The following FBL variants were observed in gnomAD, a reference collection of about 807,000 sequenced individuals.
FBL encodes fibrillarin rRNA 2'-O-methyltransferase.
Under a neutral mutation model 42.2 loss-of-function variants are expected in FBL, and 10 were observed. The ratio of observed to expected loss-of-function variants is 0.24; its 90% CI spans 0.15 to 0.40. The LOEUF is 0.40. Among genes scored for constraint, FBL ranks in the 10% least tolerant of loss-of-function variants. FBL has a pLI of 1.00. For synonymous variants in FBL, 165 were observed against 165.4 expected (o/e 1.00, Z 0.02); for missense variants, 351 against 439.2 (o/e 0.80, Z 1.79).
rs959676399 is a variant in FBL at position 39,837,784 on chromosome 19, C to T, written c.609G>A (p.Leu203=). 3 of 1,608,804 alleles carry T rather than the reference C, an allele frequency of 1.9e-6. No homozygotes were observed. Among genetic ancestry groups the T allele is most frequent in the Non-Finnish European group, 2.5e-6 (3 of 1,178,146 alleles). The change falls in exon 6 of 9, where the codon TTG becomes TTA. Residue 203 remains leucine (L), a synonymous_variant. Coordinates refer to ENST00000221801, the MANE Select transcript of FBL (RefSeq NM_001436.4). The stretch of plus-strand genomic sequence containing the variant: ...GAATGATGTTGGTCCTCTTCTTGGC[C>T]AAGTTAATGAGGTCACGGCCAGAGC... ...SHRSGRDLIN[L]AKKRTNIIPV...
intron 1 of FBL, among the ~76,000 whole-genome samples, chr19:39,844,318 G>A (rs1166399720): frequency 4.6e-5 from 7 of 152,106 alleles, no homozygotes; most frequent in African/African-American, 9.7e-5. Flanking sequence ...TGCTTGGGGC[G>A]GAGTGGGCAT....
At chr19:39,835,426 G>A (rs1258624175) in intron 7 of FBL, among the ~76,000 whole-genome samples, 2 of 152,140 alleles carry the variant, frequency 1.3e-5, no homozygotes, top group Non-Finnish European at 2.9e-5. Flanking sequence ...AGCTGACGCA[G>A]GAGAATCGCT....
Position 39,834,771 on chromosome 19 carries a change from C to G in FBL, c.838G>C (p.Ala280Pro). ...DSTASAEAVF[A>P]SEVKKMQQEN... is the part of the protein sequence containing the mutation. ...TGTTGCATCTTTTTCACTTCGGAGG[C>G]AAACACGGCCTCGGCTGAGGCTGTG... The change falls in exon 8 of 9, where the codon GCC (alanine) becomes CCC (proline). Residue 280 changes from alanine to proline, a missense_variant. By Grantham distance (27) the Ala-to-Pro change is conservative. Coordinates refer to ENST00000221801, the MANE Select transcript of FBL (RefSeq NM_001436.4). The G allele has an allele frequency of 1.2e-6, 2 of 1,614,200 alleles. No individual in the cohort carries two copies. The highest frequency in any genetic ancestry group is 2.2e-5 in the East Asian group (1 of 44,884).
rs1822559418 is a variant in FBL at position 39,840,602 on chromosome 19, C to T, written c.181+15G>A. On this transcript the variant is annotated intron_variant, in intron 2 of 8. Coordinates refer to ENST00000221801, the MANE Select transcript of FBL (RefSeq NM_001436.4). This position sits in a 1 kb window ranked among gnomAD's most constrained non-coding sequence, Gnocchi z 4.5. ...CCTCAGGAAGGCCTCCTCTGTAACC[C>T]CTAGCCAATCTTACCACCTCTTCCT... 8 of 1,613,544 alleles carry T rather than the reference C, an allele frequency of 5.0e-6. No individual in the cohort carries two copies. The highest frequency in any genetic ancestry group is 6.8e-6 in the Non-Finnish European group (8 of 1,179,804).
In FBL at chr19:39,839,068, G is replaced by A. The variant is rs1599656641; in HGVS notation, c.516C>T (p.Thr172=). 1 of 1,613,916 alleles carries A rather than the reference G, an allele frequency of 6.2e-7. No homozygotes were observed. The highest frequency in any genetic ancestry group is 2.2e-5 in the East Asian group (1 of 44,876). Residue 172 remains threonine, a synonymous_variant, in exon 5 of 9, where the codon ACC becomes ACT. Coordinates refer to ENST00000221801, the MANE Select transcript of FBL (RefSeq NM_001436.4). ...KVLYLGAASG[T]TVSHVSDIVG... ...CGATGTCAGAGACATGGGAGACCGT[G>A]GTGCCCGAGGCAGCCCCGAGGTAGA... is the stretch of plus-strand genomic sequence containing the variant.
In FBL at chr19:39,840,876, C is replaced by G. The variant is rs1969152587; in HGVS notation, c.11-89G>C. On this transcript the variant is annotated intron_variant, in intron 1 of 8. Transcript: ENST00000221801. The surrounding 1 kb of genome is among the most constrained non-coding windows in gnomAD (Gnocchi z 4.5). ...CAGCAATACCTCTCAGGTGAGAAAC[C>G]TGAAATACATGTGCCCGTGTACAGC... 1 of 1,267,928 alleles carries G rather than the reference C, an allele frequency of 7.9e-7. No homozygotes were observed. The highest frequency in any genetic ancestry group is 1.1e-6 in the Non-Finnish European group (1 of 938,406). The allele number at this position is 1,267,928 out of a possible 1,614,324, so 78.5% of individuals were successfully genotyped here.
chr19:39,845,376 G>A (rs776064479), intron 1 of FBL, among the ~76,000 whole-genome samples: 45 of 151,914 alleles, frequency 3.0e-4, no homozygotes, highest in South Asian at 2.1e-4. Context: ...TTTTAACGTC[G>A]CTTAATCCTA....
intron 1 of FBL, among the ~76,000 whole-genome samples, chr19:39,843,376 G>A (rs1969196905): frequency 1.3e-5 from 2 of 152,190 alleles, no homozygotes; most frequent in Non-Finnish European, 2.9e-5. Context: ...CTCCCCTCAA[G>A]TATCGCATAT....
chr19:39,840,626 C>T lies in FBL; in HGVS notation c.172G>A (p.Gly58Arg). The T allele has an allele frequency of 6.2e-7, 1 of 1,613,248 alleles. No homozygotes were observed. Among genetic ancestry groups the T allele is most frequent in the East Asian group, 2.2e-5 (1 of 44,862 alleles). Residue 58 changes from glycine (G) to arginine (R), a missense_variant, in exon 2 of 9, where the codon GGA becomes AGA. By Grantham distance (125) the Gly-to-Arg change is moderately radical. Transcript: ENST00000221801. The surrounding 1 kb of genome is among the most constrained non-coding windows in gnomAD (Gnocchi z 4.5). ...CCCTAGCCAATCTTACCACCTCTTC[C>T]TCCTCCTCCACCGCCGCCGCCGCCT... ...GGGGGGGGGG[G>R]RGGGGFHSGG...
chr19:39,836,323 T>C lies in FBL; in HGVS notation c.795+233A>G, dbSNP rs549303811. On this transcript the variant is annotated intron_variant, in intron 7 of 8. Transcript: ENST00000221801. ...ATTTCTATTTCATAAGTGAGGAAACTGAGGCATATAGGTTAAGTAACTTGC... is the reference window on the plus strand; with the variant it reads ...ATTTCTATTTCATAAGTGAGGAAACCGAGGCATATAGGTTAAGTAACTTGC... Among the ~76,000 whole-genome samples, 37 of 152,292 alleles carry C rather than the reference T, an allele frequency of 2.4e-4. No individual in the cohort carries two copies. In the South Asian group the frequency reaches 7.0e-3, roughly 29 times the overall value.
At position 39,846,354 on chromosome 19, in the gene FBL, G is replaced by C; in HGVS notation, c.-54C>G. ...GTCCGCGGCGTTCACAACTCCACGA[G>C]TCCGGGGCTTTCGCACGTGGAAAAG... On this transcript the variant is annotated 5_prime_UTR_variant, in exon 1 of 9. Transcript: ENST00000221801. The C allele has an allele frequency of 2.5e-6, 4 of 1,607,578 alleles. No homozygotes were observed. The South Asian group carries it at 3.3e-5, about 13-fold the overall frequency.
intron 4 of FBL, among the ~76,000 whole-genome samples, chr19:39,839,824 C>T (rs1221244705): frequency 6.6e-6 from 1 of 152,176 alleles, no homozygotes; most frequent in African/African-American, 2.4e-5. Flanking sequence ...CACAGGATAA[C>T]AGGACAGGGG....
intron 1 of FBL, among the ~76,000 whole-genome samples, chr19:39,845,648 T>G (rs1421084582): frequency 6.6e-6 from 1 of 152,188 alleles, no homozygotes; most frequent in Non-Finnish European, 1.5e-5. Flanking sequence ...CCGAGCTTGT[T>G]AAGTCTCGTC....
Position 39,840,485 on chromosome 19 carries a change from C to A in FBL, c.212G>T (p.Gly71Val), listed in dbSNP as rs767999959. 1.2e-6 allele frequency: 2 copies of A among 1,614,068 alleles called. No homozygotes were observed. The highest frequency in any genetic ancestry group is 1.7e-6 in the Non-Finnish European group (2 of 1,180,046). ...TCCTCTTTTTCCTCCCCGACCACGA[C>A]CCCGGTTGCCACCAGAATGGAAGCC... ...GGGFHSGGNR[G>V]RGRGGKRGNQ... The change falls in exon 3 of 9, where the codon GGT (glycine) becomes GTT (valine). Residue 71 changes from glycine to valine, a missense_variant. Gly to Val is a moderately radical substitution (Grantham distance 109, BLOSUM62 -3). Coordinates refer to ENST00000221801, the MANE Select transcript of FBL (RefSeq NM_001436.4). The surrounding 1 kb of genome is among the most constrained non-coding windows in gnomAD (Gnocchi z 4.5).
intron 6 of FBL, among the ~76,000 whole-genome samples, chr19:39,837,286 ATAT>A (rs773504126): frequency 2.0e-5 from 3 of 152,204 alleles, no homozygotes; most frequent in Non-Finnish European, 4.4e-5. Context: ...TTCAACTTTT[ATAT>A]TATATCTTTG....
chr19:39,841,440 T>C (rs573313645), intron 1 of FBL, among the ~76,000 whole-genome samples: 14 of 152,312 alleles, frequency 9.2e-5, no homozygotes, highest in Non-Finnish European at 1.2e-4. Flanking sequence ...GATATTAATA[T>C]GGGGTTGGGA....
chr19:39,835,350 C>T (rs1257491505), intron 7 of FBL, among the ~76,000 whole-genome samples: 1 of 152,104 alleles, frequency 6.6e-6, no homozygotes, highest in African/African-American at 2.4e-5. Flanking sequence ...GAAACCCTAT[C>T]TCTACTAAAA....
At position 39,840,396 on chromosome 19, in the gene FBL, C is replaced by T. The variant is rs1218094118; in HGVS notation, c.283+18G>A. On this transcript the variant is annotated intron_variant, in intron 3 of 8. Coordinates refer to ENST00000221801, the MANE Select transcript of FBL (RefSeq NM_001436.4). The surrounding 1 kb of genome is among the most constrained non-coding windows in gnomAD (Gnocchi z 4.5). ...CCCTGCCCCGAAGCTCAGCCGGCTC[C>T]CTGCCTTCCTCACTCACCCTCATGC... The T allele has an allele frequency of 1.2e-6, 2 of 1,613,802 alleles. No individual in the cohort carries two copies. Among genetic ancestry groups the T allele is most frequent in the Admixed American group, 3.3e-5 (2 of 60,026 alleles).
In FBL at chr19:39,834,791, G is replaced by T; in HGVS notation, c.818C>A (p.Ala273Asp). 1.2e-6 allele frequency: 2 copies of T among 1,614,222 alleles called. No individual in the cohort carries two copies. Among genetic ancestry groups the T allele is most frequent in the Non-Finnish European group, 1.7e-6 (2 of 1,180,048 alleles). ...SIKANCIDSTASAEAVFASEV... is the reference protein window; with the variant it reads ...SIKANCIDSTDSAEAVFASEV... ...GGAGGCAAACACGGCCTCGGCTGAG[G>T]CTGTGGAGTCAATGCAGTTGGCCTA... is the stretch of plus-strand genomic sequence containing the variant. Residue 273 changes from alanine to aspartate, a missense_variant, in exon 8 of 9, where the codon GCC becomes GAC. Coordinates refer to ENST00000221801, the MANE Select transcript of FBL (RefSeq NM_001436.4).
Sources: gnomAD v4.1 joint callset for allele counts (sites outside exome capture counted in the v4.1 genomes callset) on GRCh38, gnomAD v4.1.1 for gene constraint, Gnocchi (gnomAD v3.1) non-coding constraint, MANE v1.5 for transcripts, NCBI Gene and HGNC (gene_info 2026-07-23, HGNC 2026-07-21) for gene names.